The following LPAR1 variants were observed in gnomAD, a reference collection of about 807,000 sequenced individuals.
The protein encoded by LPAR1 is LPA receptor 1.
LPAR1 carries 5 observed loss-of-function variants against 23.8 expected under a neutral mutation model. That is an observed-to-expected ratio of 0.21 (90% confidence interval 0.11 to 0.44). The LOEUF (loss-of-function observed/expected upper bound fraction) is 0.44. Ranked by LOEUF, LPAR1 falls within the 20% of genes least tolerant of loss-of-function variation. The pLI is 0.99. For missense variants in LPAR1, 311 were observed against 482.8 expected, an observed-to-expected ratio of 0.64 and a Z score of 3.33; for synonymous variants, 160 against 164.7, an observed-to-expected ratio of 0.97 and a Z score of 0.22.
At chr9:111,016,727 T>A (rs1052134705) in intron 2 of LPAR1, among the ~76,000 whole-genome samples, 3 of 152,228 alleles carry the variant, frequency 2.0e-5, no homozygotes, top group Non-Finnish European at 4.4e-5. Context: ...GTAATATTCA[T>A]AGGAAACATC....
chr9:111,012,890 C>T (rs2097361551), intron 2 of LPAR1, among the ~76,000 whole-genome samples: 1 of 152,118 alleles, frequency 6.6e-6, no homozygotes, highest in Non-Finnish European at 1.5e-5. Context: ...TGTGACTGGA[C>T]AGGACAGACC....
At chr9:110,942,742 C>G (rs1223387856) in intron 4 of LPAR1, among the ~76,000 whole-genome samples, 1 of 152,156 alleles carries the variant, frequency 6.6e-6, no homozygotes, top group Non-Finnish European at 1.5e-5. Context: ...ATTTGCTGCT[C>G]AACATTCCTG....
chr9:110,912,630 C>G (rs1000903248), intron 5 of LPAR1, among the ~76,000 whole-genome samples: 1 of 152,148 alleles, frequency 6.6e-6, no homozygotes, highest in African/African-American at 2.4e-5. Context: ...AGGCTTTCAT[C>G]AACTATAGAA....
intron 2 of LPAR1, among the ~76,000 whole-genome samples, chr9:111,017,200 T>C (rs1288697524): frequency 6.6e-6 from 1 of 152,180 alleles, no homozygotes; most frequent in Non-Finnish European, 1.5e-5. Context: ...GGGCCCTTGG[T>C]CTCGGTCTCT....
At chr9:110,926,031 C>T (rs2094001137) in intron 5 of LPAR1, among the ~76,000 whole-genome samples, 1 of 152,198 alleles carries the variant, frequency 6.6e-6, no homozygotes, top group South Asian at 2.1e-4. Context: ...CGCCATTCTC[C>T]TGCCTCAGTC....
chr9:110,923,056 C>T (rs1452645955), intron 5 of LPAR1, among the ~76,000 whole-genome samples: 1 of 151,824 alleles, frequency 6.6e-6, no homozygotes, highest in Non-Finnish European at 1.5e-5. Flanking sequence ...TTTGACATGG[C>T]AACACCACTC....
chr9:110,903,904 A>T (rs1422392717), intron 5 of LPAR1, among the ~76,000 whole-genome samples: 1 of 146,086 alleles, frequency 6.8e-6, no homozygotes, highest in East Asian at 2.0e-4. Context: ...AAAAAAAAAA[A>T]GTCTTGAAAG....
intron 5 of LPAR1, among the ~76,000 whole-genome samples, chr9:110,893,048 T>C (rs1013261050): frequency 7.9e-5 from 12 of 152,202 alleles, no homozygotes; most frequent in Non-Finnish European, 1.3e-4. Flanking sequence ...TTAAATGTGT[T>C]ATTCTGATCT....
At chr9:111,010,605 T>C (rs945296294) in intron 2 of LPAR1, among the ~76,000 whole-genome samples, 2 of 152,156 alleles carry the variant, frequency 1.3e-5, no homozygotes, top group Non-Finnish European at 1.5e-5. Flanking sequence ...CAATAATACT[T>C]AGCTGTTGCC....
At chr9:110,933,929 A>G (rs1340184461) in intron 5 of LPAR1, among the ~76,000 whole-genome samples, 1 of 152,222 alleles carries the variant, frequency 6.6e-6, no homozygotes, top group Admixed American at 6.5e-5. Context: ...ACAAAAGGGT[A>G]TAAAGAGCTG....
intron 5 of LPAR1, among the ~76,000 whole-genome samples, chr9:110,887,232 A>G (rs1000971977): frequency 1.3e-5 from 2 of 152,272 alleles, no homozygotes; most frequent in Middle Eastern, 3.4e-3. Context: ...CGTAATGGAA[A>G]TTTTATTTAC....
At chr9:110,901,002 T>G (rs1018686075) in intron 5 of LPAR1, among the ~76,000 whole-genome samples, 54 of 152,212 alleles carry the variant, frequency 3.5e-4, no homozygotes, top group African/African-American at 1.3e-3. Flanking sequence ...TTTTCTTCAA[T>G]CTGTTCCTAT....
At chr9:110,931,317 T>C (rs1306496184) in intron 5 of LPAR1, among the ~76,000 whole-genome samples, 1 of 152,212 alleles carries the variant, frequency 6.6e-6, no homozygotes, top group Non-Finnish European at 1.5e-5. Context: ...CCATGTTATA[T>C]TGCACTTATT....
At chr9:110,970,162 T>C (rs1025565355) in intron 4 of LPAR1, among the ~76,000 whole-genome samples, 1 of 152,128 alleles carries the variant, frequency 6.6e-6, no homozygotes, top group Admixed American at 6.5e-5. Flanking sequence ...AGAGAAGATA[T>C]ATAGATAAGA....
intron 5 of LPAR1, among the ~76,000 whole-genome samples, chr9:110,881,478 G>A (rs908939557): frequency 6.6e-6 from 1 of 152,098 alleles, no homozygotes; most frequent in African/African-American, 2.4e-5. Context: ...GAATGCCAAA[G>A]CTGCCTTCCC....
intron 5 of LPAR1, among the ~76,000 whole-genome samples, chr9:110,916,136 C>T (rs575027543): frequency 6.6e-6 from 1 of 152,288 alleles, no homozygotes; most frequent in East Asian, 1.9e-4. Context: ...CCAGTATCTA[C>T]TGAGGTCTGT....
At chr9:111,033,517 T>C (rs754013072) in intron 2 of LPAR1, among the ~76,000 whole-genome samples, 7 of 152,202 alleles carry the variant, frequency 4.6e-5, no homozygotes, top group Non-Finnish European at 8.8e-5. Flanking sequence ...CACAAGGTAA[T>C]TGAAAGAAAT....
At chr9:110,918,344 T>C (rs1164344894) in intron 5 of LPAR1, among the ~76,000 whole-genome samples, 1 of 152,182 alleles carries the variant, frequency 6.6e-6, no homozygotes, top group Non-Finnish European at 1.5e-5. Flanking sequence ...GAAACCAGCA[T>C]GTTTCCTATA....
intron 5 of LPAR1, chr9:110,903,189 A>G (rs2089917639): frequency 6.6e-6 from 1 of 152,216 alleles, no homozygotes; most frequent in Admixed American, 6.5e-5. Context: ...ACTAACCCAG[A>G]GATGAAACAG....
Sources: gnomAD v4.1 joint callset for allele counts (sites outside exome capture counted in the v4.1 genomes callset) on GRCh38, gnomAD v4.1.1 for gene constraint, MANE v1.5 for transcripts, NCBI Gene and HGNC (gene_info 2026-07-23, HGNC 2026-07-21) for gene names.